Variants in SEC22C observed in about 807,000 individuals in gnomAD.
SEC22C encodes the protein vesicle-trafficking protein SEC22c.
SEC22C carries 29 observed loss-of-function variants against 34.7 expected under a neutral mutation model. That is an observed-to-expected ratio of 0.84 (90% CI 0.62 to 1.14). The LOEUF (loss-of-function observed/expected upper bound fraction) is 1.14, where lower values mean the gene tolerates loss of function less well. Among genes scored for constraint, SEC22C ranks in the 50% most tolerant of loss-of-function variants. The probability of loss-of-function intolerance (pLI) is 0.00; values close to 1 mark genes in which losing one functional copy is unlikely to be tolerated. For missense variants in SEC22C, 337 were observed against 369.0 expected (o/e 0.91, Z 0.71); for synonymous variants, 117 against 132.8 (o/e 0.88, Z 0.82).
intron 1 of SEC22C, among the ~76,000 whole-genome samples, chr3:42,595,336 C>A (rs1379726803): frequency 6.6e-6 from 1 of 152,094 alleles, no homozygotes; most frequent in Non-Finnish European, 1.5e-5. Flanking sequence ...CCCTAGAATT[C>A]TCTCGTGTTC....
At chr3:42,563,186 A>C (rs1703028115) in intron 3 of SEC22C, among the ~76,000 whole-genome samples, 1 of 152,254 alleles carries the variant, frequency 6.6e-6, no homozygotes, top group Non-Finnish European at 1.5e-5. Context: ...GAATAAGCAT[A>C]GCCACGTTCT....
chr3:42,600,949 C>G, intron 1 of SEC22C: 1 of 1,430,898 alleles, frequency 7.0e-7, no homozygotes, highest in Non-Finnish European at 9.4e-7. Context: ...CGCCCTCGCC[C>G]CTGCCCTGAC....
rs981565026 is a variant in SEC22C, at chr3:42,560,147, T to G, written c.526+970A>C. On this transcript the variant is annotated intron_variant, in intron 4 of 6. Coordinates refer to ENST00000264454, the MANE Select transcript of SEC22C (RefSeq NM_032970.4). ...ATATATATATATATATAAATAATAA[T>G]TGTTTTATATATATTATATATATTT... Among the ~76,000 whole-genome samples, 10 of 145,286 alleles carry G rather than the reference T, an allele frequency of 6.9e-5. No homozygotes were observed. The East Asian group carries it at 2.0e-3, about 29-fold the overall frequency.
At chr3:42,557,557 T>TAAAA in intron 5 of SEC22C, 21 bp downstream of exon 5, 1 of 1,005,084 alleles carries the variant, frequency 9.9e-7, no homozygotes, top group Non-Finnish European at 1.4e-6. Flanking sequence ...TAAACTGTTT[T>TAAAA]AAAAAAAAAA....
In SEC22C at chr3:42,595,161, GAT is replaced by G. The variant is rs1171612989; in HGVS notation, c.-28+5797_-28+5798del. The G allele has an allele frequency of 5.3e-5, 8 of 152,140 alleles. No homozygotes were observed. In the East Asian group the frequency reaches 1.5e-3, roughly 29 times the overall value. The allele number at this position is 152,140 out of a possible 1,614,324, so 9.4% of individuals were successfully genotyped here. ...TATCTAATATCATCTGATAATAGAT[GAT>G]GTTTAATTTTCTTCAGTTATCAGAT... On this transcript the variant is annotated intron_variant, in intron 1 of 6. Transcript: ENST00000417572.
At chr3:42,580,682 T>C (rs1040425136) in intron 1 of SEC22C, among the ~76,000 whole-genome samples, 1 of 152,226 alleles carries the variant, frequency 6.6e-6, no homozygotes, top group Non-Finnish European at 1.5e-5. Flanking sequence ...GCTGTAAGGC[T>C]CAAGAGGTAA....
intron 1 of SEC22C, among the ~76,000 whole-genome samples, chr3:42,576,932 T>C (rs1312282754): frequency 2.6e-5 from 4 of 152,252 alleles, no homozygotes; most frequent in East Asian, 3.9e-4. Flanking sequence ...GGAATAGACA[T>C]AGATCAATGA....
At chr3:42,591,193 T>C (rs2125740050) in intron 1 of SEC22C, 1 of 558,824 alleles carries the variant, frequency 1.8e-6, no homozygotes, top group South Asian at 2.2e-5. Context: ...GCACTAACCC[T>C]TTCTCTCCTT....
At chr3:42,572,795 G>GA (rs569744100) in intron 1 of SEC22C, among the ~76,000 whole-genome samples, 131 of 152,322 alleles carry the variant, frequency 8.6e-4, no homozygotes, top group South Asian at 7.5e-3. Context: ...TCAATGAGAA[G>GA]AGACATTAAT....
At position 42,561,207 on chromosome 3, in the gene SEC22C, T is replaced by C. The variant is rs779534418; in HGVS notation, c.436A>G (p.Lys146Glu). 1.2e-6 allele frequency: 2 copies of C among 1,614,176 alleles called. No individual in the cohort carries two copies. The highest frequency in any genetic ancestry group is 1.7e-6 in the Non-Finnish European group (2 of 1,180,018). Reference protein sequence around the residue: ...CSLEKIQEELKLQPPAVLTLE... With the variant: ...CSLEKIQEELELQPPAVLTLE... ...GTGAGAACCGCTGGAGGCTGCAACT[T>C]GAGCTCCTCCTGAATTTTTTCCAAG... Residue 146 changes from lysine (K) to glutamate (E), a missense_variant, in exon 4 of 7, where the codon AAG becomes GAG. Lys to Glu is a moderately conservative substitution (Grantham distance 56). Transcript: ENST00000264454.
chr3:42,570,891 C>T (rs1019298984), intron 1 of SEC22C, among the ~76,000 whole-genome samples: 1 of 152,094 alleles, frequency 6.6e-6, no homozygotes, highest in Non-Finnish European at 1.5e-5. Context: ...AGGCTCTCAA[C>T]AATAACTCCA....
In SEC22C at chr3:42,569,006, T is replaced by A; in HGVS notation, c.41A>T (p.Asp14Val). Residue 14 changes from aspartate to valine, a missense_variant, in exon 2 of 7, where the codon GAT becomes GTT. Physicochemically the swap from Asp to Val is radical, Grantham distance 152. Transcript: ENST00000264454. ...AGTAGAGGCTGAGAGGGGCAGTCCATCCCTTACCCGTACCACGCAGGCAAA... is the reference window on the plus strand; with the variant it reads ...AGTAGAGGCTGAGAGGGGCAGTCCAACCCTTACCCGTACCACGCAGGCAAA... ...IFFACVVRVR[D>V]GLPLSASTDF... 1 of 1,614,018 alleles carries A rather than the reference T, an allele frequency of 6.2e-7. No homozygotes were observed. The highest frequency in any genetic ancestry group is 8.5e-7 in the Non-Finnish European group (1 of 1,179,994).
intron 6 of SEC22C, among the ~76,000 whole-genome samples, chr3:42,554,556 T>G (rs1577290944): frequency 6.6e-6 from 1 of 152,044 alleles, no homozygotes; most frequent in Non-Finnish European, 1.5e-5. Flanking sequence ...CCTAGGCTGG[T>G]CTTGAACTCC....
chr3:42,565,179 C>G (rs768907761), intron 2 of SEC22C, among the ~76,000 whole-genome samples: 15 of 152,158 alleles, frequency 9.9e-5, no homozygotes, highest in Non-Finnish European at 5.9e-5. Context: ...TATTCTGCCC[C>G]CCTTTCATTT....
intron 1 of SEC22C, among the ~76,000 whole-genome samples, chr3:42,591,988 C>G (rs1479363647): frequency 6.6e-6 from 1 of 152,092 alleles, no homozygotes; most frequent in Non-Finnish European, 1.5e-5. Flanking sequence ...AGGGGTCAGG[C>G]CATTTGACTG....
chr3:42,582,322 CAG>C (rs1559532649), upstream of SEC22C: 1 of 152,314 alleles, frequency 6.6e-6, no homozygotes, highest in Non-Finnish European at 1.5e-5. Context: ...CTCCGCGTGA[CAG>C]AGTGATAACG....
At chr3:42,590,414 A>G (rs570782612) in intron 1 of SEC22C, among the ~76,000 whole-genome samples, 1 of 152,204 alleles carries the variant, frequency 6.6e-6, no homozygotes, top group East Asian at 1.9e-4. Flanking sequence ...GCGGATCACG[A>G]GGTCAGGAGA....
At chr3:42,598,397 G>A (rs1231895296) in intron 1 of SEC22C, among the ~76,000 whole-genome samples, 3 of 149,654 alleles carry the variant, frequency 2.0e-5, no homozygotes, top group Non-Finnish European at 3.0e-5. Context: ...GCGCAATCTC[G>A]GCTCACTGCA....
chr3:42,588,571 T>C (rs1704702993), intron 1 of SEC22C, among the ~76,000 whole-genome samples: 1 of 152,200 alleles, frequency 6.6e-6, no homozygotes, highest in Non-Finnish European at 1.5e-5. Flanking sequence ...CATTATGTTA[T>C]ATAGTATTAT....
Sources: gnomAD v4.1 joint callset for allele counts (sites outside exome capture counted in the v4.1 genomes callset) on GRCh38, gnomAD v4.1.1 for gene constraint, MANE v1.5 for transcripts, NCBI Gene and HGNC (gene_info 2026-07-23, HGNC 2026-07-21) for gene names.